The following ATOSA variants were observed in gnomAD, a reference collection of about 807,000 sequenced individuals.
The protein encoded by ATOSA is atos homolog protein A.
At chr15:52,593,582 TA>T in the ATOSA span, 6 of 1,563,662 alleles carry the variant, frequency 3.8e-6, no homozygotes, top group Admixed American at 1.9e-5. Flanking sequence ...ACTTGCCATA[TA>T]AGGAGAGGGA....
the ATOSA span, chr15:52,648,582 T>C: frequency 6.6e-6 from 1 of 152,240 alleles, no homozygotes; most frequent in Admixed American, 6.5e-5. Flanking sequence ...TGTATGTTTG[T>C]ACCCACCACC....
At chr15:52,630,110 T>G in the ATOSA span, among the ~76,000 whole-genome samples, 3 of 152,146 alleles carry the variant, frequency 2.0e-5, no homozygotes, top group African/African-American at 7.2e-5. Context: ...CTCCCATCTT[T>G]CAAACATCCC....
the ATOSA span, chr15:52,605,107 C>T: frequency 6.8e-7 from 1 of 1,468,054 alleles, no homozygotes; most frequent in Non-Finnish European, 9.4e-7. Context: ...AAGTTCTAAG[C>T]ATGAGATAAG....
At chr15:52,684,182 G>A in the ATOSA span, among the ~76,000 whole-genome samples, 8 of 152,182 alleles carry the variant, frequency 5.3e-5, no homozygotes, top group Non-Finnish European at 1.0e-4. Flanking sequence ...TGGTTATTGA[G>A]TGCTTGAAAT....
the ATOSA span, chr15:52,613,595 C>A: frequency 7.2e-7 from 1 of 1,381,632 alleles, no homozygotes; most frequent in Non-Finnish European, 9.8e-7. Context: ...ACAATTATAA[C>A]TGTAATAAAA....
chr15:52,611,894 G>C, the ATOSA span: 2 of 926,760 alleles, frequency 2.2e-6, no homozygotes, highest in East Asian at 5.2e-5. Context: ...AGCTATTGCA[G>C]AGCTTTGCTC....
the ATOSA span, chr15:52,593,294 T>G: frequency 4.4e-5 from 14 of 317,390 alleles, no homozygotes; most frequent in Non-Finnish European, 8.3e-5. Context: ...TGAGAATGTG[T>G]GTGAACTCAG....
chr15:52,639,083 CAAA>C, the ATOSA span, among the ~76,000 whole-genome samples: 18 of 82,676 alleles, frequency 2.2e-4, no homozygotes, highest in Admixed American at 3.8e-4. Flanking sequence ...GTCCCAAGAG[CAAA>C]AAAAAAAAAA....
the ATOSA span, among the ~76,000 whole-genome samples, chr15:52,606,669 A>G: frequency 5.3e-5 from 8 of 152,236 alleles, no homozygotes; most frequent in African/African-American, 1.9e-4. Context: ...AGAAAAGATC[A>G]TAAGAACCGA....
the ATOSA span, chr15:52,656,678 G>A: frequency 6.6e-6 from 1 of 152,018 alleles, no homozygotes; most frequent in Non-Finnish European, 1.5e-5. Flanking sequence ...GAGCTAGAAT[G>A]GGGGTTATTT....
the ATOSA span, among the ~76,000 whole-genome samples, chr15:52,627,465 A>G: frequency 6.6e-6 from 1 of 152,172 alleles, no homozygotes; most frequent in Non-Finnish European, 1.5e-5. Flanking sequence ...CAAGTACTCA[A>G]TAAATATATA....
chr15:52,700,232 C>T, the ATOSA span, among the ~76,000 whole-genome samples: 1 of 152,108 alleles, frequency 6.6e-6, no homozygotes, highest in Non-Finnish European at 1.5e-5. Context: ...AGATTATAAA[C>T]CCCTCAAAAG....
the ATOSA span, among the ~76,000 whole-genome samples, chr15:52,696,343 C>T: frequency 3.8e-4 from 58 of 152,268 alleles, no homozygotes; most frequent in African/African-American, 1.3e-3. Context: ...CAGCCACTGC[C>T]CTCTACCCAA....
chr15:52,621,704 AG>A, the ATOSA span, among the ~76,000 whole-genome samples: 2 of 152,118 alleles, frequency 1.3e-5, no homozygotes, highest in Non-Finnish European at 2.9e-5. Flanking sequence ...CTGCCACTTA[AG>A]ATGTGCCTTT....
the ATOSA span, among the ~76,000 whole-genome samples, chr15:52,690,583 A>C: frequency 1.4e-4 from 21 of 152,366 alleles, no homozygotes; most frequent in South Asian, 3.5e-3. Flanking sequence ...GGTTAACAAA[A>C]CCATAAACTG....
the ATOSA span, chr15:52,600,214 A>G: frequency 6.2e-7 from 1 of 1,608,860 alleles, no homozygotes; most frequent in Non-Finnish European, 8.5e-7. Flanking sequence ...GATCATCTTC[A>G]ATGTTTAAAC....
the ATOSA span, among the ~76,000 whole-genome samples, chr15:52,675,418 T>A: frequency 6.6e-6 from 1 of 150,416 alleles, no homozygotes; most frequent in African/African-American, 2.5e-5. Context: ...CCTTAAACTT[T>A]TACAGTTAGC....
chr15:52,681,832 T>C, the ATOSA span, among the ~76,000 whole-genome samples: 1 of 152,234 alleles, frequency 6.6e-6, no homozygotes, highest in Non-Finnish European at 1.5e-5. Flanking sequence ...ATGATCAATC[T>C]GTAATGACTG....
the ATOSA span, among the ~76,000 whole-genome samples, chr15:52,640,182 G>C: frequency 1.3e-5 from 2 of 152,140 alleles, no homozygotes; most frequent in African/African-American, 4.8e-5. Context: ...CATTGTACAT[G>C]TAATAGTCAT....
Sources: gnomAD v4.1 joint callset for allele counts (sites outside exome capture counted in the v4.1 genomes callset) on GRCh38, gnomAD v4.1.1 for gene constraint, MANE v1.5 for transcripts, NCBI Gene and HGNC (gene_info 2026-07-23, HGNC 2026-07-21) for gene names.